Variants in GARIN5A observed in about 807,000 individuals in gnomAD.
GARIN5A encodes Golgi-associated RAB2 interactor protein 5A.
At chr19:50,476,558 G>T in the GARIN5A span, 3 of 1,574,840 alleles carry the variant, frequency 1.9e-6, no homozygotes, top group Non-Finnish European at 2.6e-6. Flanking sequence ...GCGGCAGCCA[G>T]CGCTGGGGCA....
chr19:50,472,275 A>G, the GARIN5A span, among the ~76,000 whole-genome samples: 1 of 151,312 alleles, frequency 6.6e-6, no homozygotes, highest in Non-Finnish European at 1.5e-5. Flanking sequence ...ATATATGTAT[A>G]TATACATGTA....
At chr19:50,475,939 A>G in the GARIN5A span, 1 of 1,612,672 alleles carries the variant, frequency 6.2e-7, no homozygotes, top group Admixed American at 1.7e-5. Flanking sequence ...AGAGGCTGCA[A>G]CCAGGAGGCA....
At chr19:50,475,578 G>C in the GARIN5A span, 4 of 926,486 alleles carry the variant, frequency 4.3e-6, no homozygotes, top group East Asian at 2.5e-5. Context: ...AATCAGGCTG[G>C]GGGCCAGATA....
chr19:50,468,454 C>G, the GARIN5A span, among the ~76,000 whole-genome samples: 1 of 151,978 alleles, frequency 6.6e-6, no homozygotes, highest in Non-Finnish European at 1.5e-5. Flanking sequence ...TTCTCAAGCT[C>G]CCTCAGCCCC....
chr19:50,476,380 CG>C, the GARIN5A span: 2 of 1,555,952 alleles, frequency 1.3e-6, no homozygotes, highest in Non-Finnish European at 1.7e-6. Context: ...GCCAAAGGGG[CG>C]GCCCCATCCT....
chr19:50,468,880 A>G, the GARIN5A span, among the ~76,000 whole-genome samples: 6 of 152,218 alleles, frequency 3.9e-5, no homozygotes, highest in African/African-American at 1.4e-4. Flanking sequence ...GATTATAGGC[A>G]TGAGCCACCT....
the GARIN5A span, among the ~76,000 whole-genome samples, chr19:50,471,155 G>A: frequency 6.6e-6 from 1 of 151,986 alleles, no homozygotes; most frequent in Non-Finnish European, 1.5e-5. Context: ...AGTAGAGATG[G>A]GGTCTCACTA....
At chr19:50,472,142 G>A in the GARIN5A span, among the ~76,000 whole-genome samples, 25,844 of 105,798 alleles carry the variant, frequency 0.24, 4,365 homozygotes, top group East Asian at 0.4. Flanking sequence ...GTATATGTAT[G>A]TATACGTGTG....
the GARIN5A span, among the ~76,000 whole-genome samples, chr19:50,472,799 G>C: frequency 1.3e-5 from 2 of 152,168 alleles, no homozygotes; most frequent in Non-Finnish European, 1.5e-5. Flanking sequence ...AGGCAGCTGA[G>C]GTGGGAGGAT....
chr19:50,467,870 C>T, the GARIN5A span: 37 of 1,596,194 alleles, frequency 2.3e-5, no homozygotes, highest in African/African-American at 2.8e-4. Flanking sequence ...CTGACCCTGT[C>T]GGGTCCTCCA....
chr19:50,475,092 G>C, the GARIN5A span, among the ~76,000 whole-genome samples: 1 of 152,212 alleles, frequency 6.6e-6, no homozygotes, highest in African/African-American at 2.4e-5. Flanking sequence ...TCTCCTGACC[G>C]CTGCTGGGGC....
chr19:50,472,220 GTA>G, the GARIN5A span, among the ~76,000 whole-genome samples: 24 of 106,376 alleles, frequency 2.3e-4, no homozygotes, highest in East Asian at 2.7e-4. Flanking sequence ...ATGTGTGTAT[GTA>G]TATATACATG....
chr19:50,468,479 C>G, the GARIN5A span, among the ~76,000 whole-genome samples: 1 of 152,106 alleles, frequency 6.6e-6, no homozygotes, highest in South Asian at 2.1e-4. Flanking sequence ...ACGCAGCCTA[C>G]TCCTCTTGGT....
the GARIN5A span, among the ~76,000 whole-genome samples, chr19:50,469,720 C>G: frequency 6.6e-6 from 1 of 152,156 alleles, no homozygotes; most frequent in Non-Finnish European, 1.5e-5. Flanking sequence ...CCCATGTTCA[C>G]CTACAACACT....
the GARIN5A span, among the ~76,000 whole-genome samples, chr19:50,469,651 C>T: frequency 2.6e-5 from 4 of 152,286 alleles, no homozygotes; most frequent in Admixed American, 6.5e-5. Context: ...GAGCAGGAAG[C>T]AGTCAGGAAA....
At chr19:50,475,684 T>A in the GARIN5A span, 1 of 691,502 alleles carries the variant, frequency 1.4e-6, no homozygotes, top group Non-Finnish European at 2.5e-6. Flanking sequence ...TCTAGAGAAC[T>A]AGAAGTATGG....
At chr19:50,476,493 C>T in the GARIN5A span, 3 of 1,572,654 alleles carry the variant, frequency 1.9e-6, no homozygotes, top group Admixed American at 3.5e-5. Flanking sequence ...TCCCGGCGTG[C>T]TCCGCGGCTC....
the GARIN5A span, among the ~76,000 whole-genome samples, chr19:50,472,154 ATATGTATGTATACGTGTGTATATG>A: frequency 2.0e-5 from 3 of 150,918 alleles, no homozygotes; most frequent in East Asian, 3.9e-4. Context: ...ATACGTGTGT[ATATGTATGTATACGTGTGTATATG>A]TATGTATACA....
At chr19:50,475,600 A>C in the GARIN5A span, 1 of 811,420 alleles carries the variant, frequency 1.2e-6, no homozygotes, top group Non-Finnish European at 1.9e-6. Context: ...CTTGAAATTA[A>C]AGTTCAAGAA....
Sources: gnomAD v4.1 joint callset for allele counts (sites outside exome capture counted in the v4.1 genomes callset) on GRCh38, gnomAD v4.1.1 for gene constraint, MANE v1.5 for transcripts, NCBI Gene and HGNC (gene_info 2026-07-23, HGNC 2026-07-21) for gene names.